OSBPL10: variants seen among roughly 807,000 people sequenced by gnomAD.
OSBPL10 encodes the protein oxysterol-binding protein-related protein 10.
Under a neutral mutation model 81.7 loss-of-function variants are expected in OSBPL10, and 49 were observed. That is an observed-to-expected ratio of 0.60 (90% CI 0.48 to 0.76). The LOEUF is 0.76. Among genes scored for constraint, OSBPL10 ranks in the 30% least tolerant of loss-of-function variants. OSBPL10 has a pLI of 0.00. For missense variants in OSBPL10, 923 were observed against 987.8 expected (o/e 0.93, Z 0.88); for synonymous variants, 419 against 383.6 (o/e 1.09, Z -1.08).
At chr3:32,076,981 G>T (rs1699881889) in intron 1 of OSBPL10, among the ~76,000 whole-genome samples, 1 of 152,130 alleles carries the variant, frequency 6.6e-6, no homozygotes, top group Non-Finnish European at 1.5e-5. Context: ...AATTTGGAGA[G>T]AGTCAGAATC....
At chr3:32,076,091 C>T (rs939218741) in intron 1 of OSBPL10, among the ~76,000 whole-genome samples, 4 of 152,120 alleles carry the variant, frequency 2.6e-5, no homozygotes, top group Non-Finnish European at 4.4e-5. Context: ...ATGATATGGC[C>T]AGGCGCGGTG....
intron 4 of OSBPL10, among the ~76,000 whole-genome samples, chr3:31,767,586 C>CT: frequency 6.6e-6 from 1 of 152,118 alleles, no homozygotes; most frequent in South Asian, 2.1e-4. Flanking sequence ...GTCCCCGTGC[C>CT]CCAAGTCTCT....
chr3:31,761,300 A>C (rs1319636805), intron 4 of OSBPL10, among the ~76,000 whole-genome samples: 1 of 151,432 alleles, frequency 6.6e-6, no homozygotes, highest in African/African-American at 2.4e-5. Context: ...AGTGAAACCC[A>C]ATCTCTACTG....
intron 1 of OSBPL10, among the ~76,000 whole-genome samples, chr3:32,069,696 C>T (rs1278111730): frequency 6.6e-6 from 1 of 152,208 alleles, no homozygotes; most frequent in Non-Finnish European, 1.5e-5. Context: ...TCAACCTCAC[C>T]TTCAAGGTGT....
intron 4 of OSBPL10, among the ~76,000 whole-genome samples, chr3:31,758,219 T>C (rs1697940971): frequency 6.6e-6 from 1 of 152,216 alleles, no homozygotes; most frequent in Non-Finnish European, 1.5e-5. Context: ...TGAGTACCTC[T>C]CATGTATACA....
At chr3:31,768,325 G>C (rs1052074216) in intron 4 of OSBPL10, among the ~76,000 whole-genome samples, 1 of 152,078 alleles carries the variant, frequency 6.6e-6, no homozygotes, top group Admixed American at 6.5e-5. Flanking sequence ...TGCAAAACCA[G>C]TCCTACCAAA....
intron 2 of OSBPL10, among the ~76,000 whole-genome samples, chr3:32,025,886 C>T (rs1435433681): frequency 6.6e-6 from 1 of 151,970 alleles, no homozygotes; most frequent in East Asian, 1.9e-4. Flanking sequence ...CTTGAGTATC[C>T]GCTGCACACA....
chr3:31,817,169 C>G (rs1037758764), intron 4 of OSBPL10, among the ~76,000 whole-genome samples: 1 of 152,184 alleles, frequency 6.6e-6, no homozygotes, highest in African/African-American at 2.4e-5. Context: ...TGAGTCCCCA[C>G]TCTGGTCAGT....
At chr3:31,797,868 A>G (rs1436778379) in intron 4 of OSBPL10, 1 of 451,464 alleles carries the variant, frequency 2.2e-6, no homozygotes, top group Admixed American at 2.4e-5. Flanking sequence ...GGGGGGGTGA[A>G]TGTTAGATAA....
chr3:31,954,610 G>T (rs1345534453), intron 1 of OSBPL10, among the ~76,000 whole-genome samples: 2 of 152,290 alleles, frequency 1.3e-5, no homozygotes, highest in African/African-American at 4.8e-5. Context: ...GATGGTGGTT[G>T]CCTGGAGTGG....
chr3:31,744,468 G>A (rs966488837), intron 5 of OSBPL10, among the ~76,000 whole-genome samples: 1 of 150,144 alleles, frequency 6.7e-6, no homozygotes, highest in Non-Finnish European at 1.5e-5. Context: ...AACCTGGGAA[G>A]CGGAGGTTGC....
chr3:31,862,308 A>G (rs1207985062), intron 3 of OSBPL10, among the ~76,000 whole-genome samples: 1 of 152,194 alleles, frequency 6.6e-6, no homozygotes, highest in Non-Finnish European at 1.5e-5. Context: ...ACACATAGAC[A>G]TGCAAAGTAT....
chr3:32,042,091 C>T (rs1008806996), intron 2 of OSBPL10, among the ~76,000 whole-genome samples: 35 of 152,242 alleles, frequency 2.3e-4, no homozygotes, highest in African/African-American at 1.9e-4. Flanking sequence ...GAGGAAGGCC[C>T]GTGGAGAGAC....
intron 3 of OSBPL10, among the ~76,000 whole-genome samples, chr3:31,832,816 C>T (rs1473259333): frequency 6.6e-6 from 1 of 152,184 alleles, no homozygotes; most frequent in Admixed American, 6.5e-5. Context: ...TACATAGCAA[C>T]CCAACAGTCT....
intron 6 of OSBPL10, among the ~76,000 whole-genome samples, chr3:31,725,179 A>C (rs906674795): frequency 6.6e-5 from 10 of 152,254 alleles, no homozygotes; most frequent in African/African-American, 1.9e-4. Context: ...CCCACTATAT[A>C]ATAAGAGCTC....
intron 6 of OSBPL10, chr3:31,710,545 C>T (rs531607709): frequency 5.9e-5 from 9 of 152,358 alleles, no homozygotes; most frequent in Non-Finnish European, 1.3e-4. Flanking sequence ...TGGAGCTACA[C>T]TAGGAAAGGA....
chr3:31,721,582 T>C (rs138872239), intron 6 of OSBPL10: 7 of 152,318 alleles, frequency 4.6e-5, no homozygotes, highest in African/African-American at 1.7e-4. Flanking sequence ...GAAGCCATAT[T>C]TGAATAAGTT....
intron 3 of OSBPL10, among the ~76,000 whole-genome samples, chr3:31,842,364 G>A (rs924221392): frequency 5.3e-5 from 8 of 152,190 alleles, no homozygotes; most frequent in African/African-American, 1.9e-4. Flanking sequence ...CAATTCACCA[G>A]TGCAAATACT....
intron 1 of OSBPL10, among the ~76,000 whole-genome samples, chr3:32,068,305 G>T (rs111913628): frequency 1.3e-5 from 2 of 152,088 alleles, no homozygotes; most frequent in Non-Finnish European, 2.9e-5. Flanking sequence ...TCTGATCACC[G>T]CAGGGATGCC....
Sources: allele counts gnomAD v4.1 joint callset (sites outside exome capture counted in the v4.1 genomes callset), GRCh38; gene constraint gnomAD v4.1.1; transcripts MANE v1.5; gene names NCBI Gene and HGNC (gene_info 2026-07-23, HGNC 2026-07-21).